Variants in RILPL1 observed in about 807,000 individuals in gnomAD.
RILPL1 encodes RILP-like protein 1.
RILPL1 carries 33 observed loss-of-function variants against 50.3 expected under a neutral mutation model. That is an observed-to-expected ratio of 0.66 (90% CI 0.50 to 0.88). RILPL1 has a LOEUF of 0.88. Ranked by LOEUF, RILPL1 falls within the 40% of genes least tolerant of loss-of-function variation. The pLI is 0.00. For synonymous variants in RILPL1, 205 were observed against 228.6 expected (o/e 0.90, Z 0.93); for missense variants, 418 against 542.5 (o/e 0.77, Z 2.28).
intron 1 of RILPL1, among the ~76,000 whole-genome samples, chr12:123,527,029 TG>T (rs1885286498): frequency 1.3e-5 from 2 of 152,098 alleles, no homozygotes; most frequent in African/African-American, 4.8e-5. Flanking sequence ...TGTGCAGAGA[TG>T]ATTAAGTTAA....
At chr12:123,518,808 C>T (rs1172440138) in intron 2 of RILPL1, among the ~76,000 whole-genome samples, 1 of 151,828 alleles carries the variant, frequency 6.6e-6, no homozygotes, top group Non-Finnish European at 1.5e-5. Context: ...CCTGTAATCC[C>T]AGCACTTTGG....
intron 1 of RILPL1, among the ~76,000 whole-genome samples, chr12:123,526,963 A>C (rs993582816): frequency 6.6e-6 from 1 of 152,150 alleles, no homozygotes; most frequent in Non-Finnish European, 1.5e-5. Context: ...AATGGCTCTT[A>C]AAGTCATCCA....
chr12:123,477,828 TTGTG>T (rs1406665810), intron 6 of RILPL1, among the ~76,000 whole-genome samples: 4 of 151,776 alleles, frequency 2.6e-5, no homozygotes, highest in Non-Finnish European at 4.4e-5. Flanking sequence ...GATACAGTCA[TTGTG>T]TGGGAAGTGG....
intron 4 of RILPL1, among the ~76,000 whole-genome samples, chr12:123,486,485 A>G (rs901952246): frequency 5.3e-5 from 8 of 152,164 alleles, no homozygotes; most frequent in African/African-American, 1.9e-4. Context: ...CTTTTTAGAA[A>G]AATGTGGTAA....
rs76616545 is a variant in RILPL1, at chr12:123,472,010, G to C, written c.*528C>G. The C allele has an allele frequency of 6.6e-3, 1,016 of 153,376 alleles. 8 individuals carry two copies. The highest frequency in any genetic ancestry group is 0.023 in the African/African-American group (965 of 41,546). 9.5% of individuals were successfully genotyped at this position (153,376 alleles called of 1,614,324 possible). A position where few individuals can be genotyped will look rare whatever the true frequency, so the allele number is the denominator to read the frequency against. On this transcript the variant is annotated 3_prime_UTR_variant, in exon 7 of 7. Transcript: ENST00000376874. ...TGTCTGTGGCTTTGTGTCTGAGTTGGGCTACTGAGCCTGTGACTTCAGACC... is the reference window on the plus strand; with the variant it reads ...TGTCTGTGGCTTTGTGTCTGAGTTGCGCTACTGAGCCTGTGACTTCAGACC...
intron 6 of RILPL1, among the ~76,000 whole-genome samples, chr12:123,477,102 C>T (rs1034821004): frequency 6.6e-6 from 1 of 152,026 alleles, no homozygotes; most frequent in Non-Finnish European, 1.5e-5. Flanking sequence ...TCTAAGCCCA[C>T]GGTAAGTAAA....
rs2139298859 is a variant in RILPL1, at chr12:123,472,370, C to T, written c.*168G>A. ...AAATAAACATTTCTTTAGAGTTTGG[C>T]GTCAGTTTTTCAATGTCCATCCTCA... On this transcript the variant is annotated 3_prime_UTR_variant, in exon 7 of 7. Coordinates refer to ENST00000376874, the MANE Select transcript of RILPL1 (RefSeq NM_178314.5). 5 of 643,742 alleles carry T rather than the reference C, an allele frequency of 7.8e-6. No homozygotes were observed. Among genetic ancestry groups the T allele is most frequent in the African/African-American group, 1.8e-5 (1 of 54,646 alleles). The allele number at this position is 643,742 out of a possible 1,614,324, so 39.9% of individuals were successfully genotyped here.
At chr12:123,495,667 C>T (rs1489646309) in intron 4 of RILPL1, among the ~76,000 whole-genome samples, 2 of 142,368 alleles carry the variant, frequency 1.4e-5, no homozygotes, top group East Asian at 2.1e-4. Flanking sequence ...AGCCACCGCA[C>T]CTGGCCCCAG....
In RILPL1 at chr12:123,470,620, C is replaced by T. The variant is rs1275520386; in HGVS notation, c.*1918G>A. The stretch of plus-strand genomic sequence containing the variant: ...CCAACATGGTGAAACCCCGTCTTTA[C>T]TAAAAATACAAAAATTAGTCAGGTA... On this transcript the variant is annotated 3_prime_UTR_variant, in exon 7 of 7. Coordinates refer to ENST00000376874, the MANE Select transcript of RILPL1 (RefSeq NM_178314.5). 6.6e-6 allele frequency: 1 copy of T among 151,936 alleles called. No individual in the cohort carries two copies. Among genetic ancestry groups the T allele is most frequent in the Non-Finnish European group, 1.5e-5 (1 of 68,042 alleles). 9.4% of individuals were successfully genotyped at this position (151,936 alleles called of 1,614,324 possible). A position where few individuals can be genotyped will look rare whatever the true frequency, so the allele number is the denominator to read the frequency against.
At chr12:123,524,498 CAGCATTATTCCCAGTACCCAA>C (rs1313518697) in intron 1 of RILPL1, among the ~76,000 whole-genome samples, 12 of 152,156 alleles carry the variant, frequency 7.9e-5, no homozygotes, top group African/African-American at 2.9e-4. Flanking sequence ...ATGTTCCTCG[CAGCATTATTCCCAGTACCCAA>C]AAGGAGCCAA....
At chr12:123,520,155 G>A (rs1470248680) in intron 2 of RILPL1, among the ~76,000 whole-genome samples, 8 of 152,208 alleles carry the variant, frequency 5.3e-5, no homozygotes, top group East Asian at 1.9e-4. Context: ...ACAGCAGCAC[G>A]ATTCACAACA....
At chr12:123,512,548 G>T (rs1430378536) in intron 2 of RILPL1, among the ~76,000 whole-genome samples, 1 of 135,062 alleles carries the variant, frequency 7.4e-6, no homozygotes, top group African/African-American at 2.8e-5. Flanking sequence ...GTCTGTGTGT[G>T]GTGTGTGTGT....
At chr12:123,475,896 AATTTTT>A (rs1373897252) in intron 6 of RILPL1, 167 of 504,256 alleles carry the variant, frequency 3.3e-4, no homozygotes, top group East Asian at 8.0e-4. Context: ...ATTCACTTAA[AATTTTT>A]TTTTTTTTTT....
intron 6 of RILPL1, among the ~76,000 whole-genome samples, chr12:123,480,361 A>C (rs1053054461): frequency 6.6e-6 from 1 of 151,702 alleles, no homozygotes; most frequent in Admixed American, 6.6e-5. Context: ...TGGGGGTTTC[A>C]CCATGTAGGC....
At chr12:123,532,766 A>G (rs1161619917) in intron 1 of RILPL1, among the ~76,000 whole-genome samples, 3 of 133,224 alleles carry the variant, frequency 2.3e-5, no homozygotes, top group Admixed American at 1.8e-4. Flanking sequence ...GTAACTCGGG[A>G]GGCCAAGAGG....
In RILPL1 at chr12:123,491,723, C is replaced by T. The variant is rs754389079; in HGVS notation, c.802-5918G>A. On this transcript the variant is annotated intron_variant, in intron 4 of 6. Coordinates refer to ENST00000376874, the MANE Select transcript of RILPL1 (RefSeq NM_178314.5). This position sits in a 1 kb window ranked among gnomAD's most constrained non-coding sequence, Gnocchi z 4.0. The stretch of plus-strand genomic sequence containing the variant: ...AACAAAACCTGCTACGAAATCAAAA[C>T]GTGTGGCTGGGCGCGGTGGCTCACA... Among the ~76,000 whole-genome samples, 20 of 152,102 alleles carry T rather than the reference C, an allele frequency of 1.3e-4. No individual in the cohort carries two copies. Among genetic ancestry groups the T allele is most frequent in the Non-Finnish European group, 2.5e-4 (17 of 68,010 alleles).
At chr12:123,490,015 C>T (rs982472838) in intron 4 of RILPL1, among the ~76,000 whole-genome samples, 4 of 152,166 alleles carry the variant, frequency 2.6e-5, no homozygotes, top group African/African-American at 4.8e-5. Context: ...GGGCTGTTTC[C>T]GAGCAGCAGC....
At chr12:123,488,943 CA>C (rs1201945917) in intron 4 of RILPL1, among the ~76,000 whole-genome samples, 2 of 152,166 alleles carry the variant, frequency 1.3e-5, no homozygotes, top group Middle Eastern at 3.2e-3. Flanking sequence ...AGGACATCTT[CA>C]ATGTCCGATC....
chr12:123,504,161 C>T (rs1039465943), intron 2 of RILPL1, among the ~76,000 whole-genome samples: 3 of 152,128 alleles, frequency 2.0e-5, no homozygotes, highest in African/African-American at 7.2e-5. Flanking sequence ...CACACCTGCT[C>T]CGTGAAGCCT....
Sources: gnomAD v4.1 joint callset for allele counts (sites outside exome capture counted in the v4.1 genomes callset) on GRCh38, gnomAD v4.1.1 for gene constraint, Gnocchi (gnomAD v3.1) non-coding constraint, MANE v1.5 for transcripts, NCBI Gene and HGNC (gene_info 2026-07-23, HGNC 2026-07-21) for gene names.